ATAD1: variants seen among roughly 807,000 people sequenced by gnomAD.
The protein encoded by ATAD1 is outer mitochondrial transmembrane helix translocase.
Under a neutral mutation model 42.7 loss-of-function variants are expected in ATAD1, and 18 were observed. The ratio of observed to expected loss-of-function variants is 0.42; its 90% CI spans 0.29 to 0.63. The LOEUF (loss-of-function observed/expected upper bound fraction) is 0.63. ATAD1 is among the 20% of genes least tolerant of loss of function. ATAD1 has a pLI of 0.19. For synonymous variants in ATAD1, 132 were observed against 143.1 expected (o/e 0.92, Z 0.55); for missense variants, 294 against 440.4 (o/e 0.67, Z 2.98).
chr10:87,792,779 C>T, intron 2 of ATAD1, 24 bp from the exon 3 acceptor site: 4 of 1,563,258 alleles, frequency 2.6e-6, no homozygotes, highest in Non-Finnish European at 3.5e-6. Flanking sequence ...AACAAACAAC[C>T]TGCTTTGATT....
chr10:87,798,625 G>GGTGGGTGTGTGTGT (rs1554881742), intron 2 of ATAD1, among the ~76,000 whole-genome samples: 1 of 124,860 alleles, frequency 8.0e-6, no homozygotes, highest in Non-Finnish European at 1.7e-5. Flanking sequence ...AGCTATAGGG[G>GGTGGGTGTGTGTGT]GTGTGTGTGT....
intron 1 of ATAD1, chr10:87,817,667 C>G: frequency 1.1e-6 from 1 of 943,708 alleles, no homozygotes; most frequent in Non-Finnish European, 1.3e-6. Flanking sequence ...ACAATGAAGG[C>G]CTGCCAATCT....
intron 2 of ATAD1, among the ~76,000 whole-genome samples, chr10:87,802,019 A>C (rs1403766526): frequency 6.6e-6 from 1 of 152,230 alleles, no homozygotes; most frequent in African/African-American, 2.4e-5. Flanking sequence ...CTAACAATTC[A>C]GTAGACTCCT....
At position 87,791,030 on chromosome 10, in the gene ATAD1, CAAAAAAAAAAAAA is replaced by C. The variant is rs34722647; in HGVS notation, c.262-613_262-601del. Among the ~76,000 whole-genome samples the C allele has an allele frequency of 5.9e-4, 39 of 66,252 alleles. No individual in the cohort carries two copies. In the East Asian group the frequency reaches 6.8e-3, roughly 11 times the overall value. The allele number at this position is 66,252 out of a possible 152,430, so 43.5% of individuals were successfully genotyped here. ...TGAAACCCCGTCTCTACTAAAATTACAAAAAAAAAAAAAAAAAAAAAAAAATTAACCAGGTGTA... is the reference window on the plus strand; with the variant it reads ...TGAAACCCCGTCTCTACTAAAATTACAAAAAAAAAAAATTAACCAGGTGTA... On this transcript the variant is annotated intron_variant, in intron 3 of 9. Transcript: ENST00000680024.
chr10:87,758,315 T>C (rs1217962755), intron 8 of ATAD1, among the ~76,000 whole-genome samples: 2 of 152,096 alleles, frequency 1.3e-5, no homozygotes, highest in Non-Finnish European at 2.9e-5. Context: ...AGAAAGAGAA[T>C]GTGTAATTTC....
upstream of ATAD1, among the ~76,000 whole-genome samples, chr10:87,822,593 T>C (rs541197954): frequency 2.0e-5 from 3 of 152,166 alleles, no homozygotes; most frequent in Non-Finnish European, 4.4e-5. Flanking sequence ...ACAGTTGAAC[T>C]CATGGAGATA....
At chr10:87,831,205 T>G (rs1857822420) in intron 1 of ATAD1, among the ~76,000 whole-genome samples, 1 of 152,350 alleles carries the variant, frequency 6.6e-6, no homozygotes, top group Admixed American at 6.5e-5. Context: ...TGACTGTGTT[T>G]GTTGTCATCA....
intron 1 of ATAD1, among the ~76,000 whole-genome samples, chr10:87,839,718 C>T (rs1415298126): frequency 2.0e-5 from 3 of 152,104 alleles, no homozygotes; most frequent in Non-Finnish European, 4.4e-5. Context: ...CCCCCGCCGC[C>T]CCCAGTAATC....
chr10:87,802,977 T>G (rs1856772390), intron 2 of ATAD1, among the ~76,000 whole-genome samples: 1 of 152,202 alleles, frequency 6.6e-6, no homozygotes, highest in African/African-American at 2.4e-5. Flanking sequence ...AACTAAGCTG[T>G]GCTTTCTTAA....
At chr10:87,758,388 A>C (rs1210190964) in intron 8 of ATAD1, among the ~76,000 whole-genome samples, 1 of 152,172 alleles carries the variant, frequency 6.6e-6, no homozygotes, top group Non-Finnish European at 1.5e-5. Flanking sequence ...TAACAAACTC[A>C]GGACTAGAGG....
intron 1 of ATAD1, among the ~76,000 whole-genome samples, chr10:87,830,546 CTGA>C (rs1246158351): frequency 2.6e-5 from 4 of 152,132 alleles, no homozygotes; most frequent in African/African-American, 9.7e-5. Context: ...TCATGTTTAA[CTGA>C]GAATTAGCTA....
Position 87,754,594 on chromosome 10 carries a change from T to C in ATAD1, c.*93A>G, listed in dbSNP as rs1854136778. Reference sequence around the variant, plus strand: ...AAACCATAAACACTGAGCTCCCTCATTGTTTAAAGAGCACTCTTTCCGTTC... The same window carrying C: ...AAACCATAAACACTGAGCTCCCTCACTGTTTAAAGAGCACTCTTTCCGTTC... On this transcript the variant is annotated 3_prime_UTR_variant, in exon 10 of 10. Coordinates refer to ENST00000680024, the MANE Select transcript of ATAD1 (RefSeq NM_001321967.2). The C allele has an allele frequency of 8.7e-6, 12 of 1,375,948 alleles. No homozygotes were observed. Among genetic ancestry groups the C allele is most frequent in the South Asian group, 6.4e-5 (4 of 62,386 alleles). The allele number at this position is 1,375,948 out of a possible 1,614,324, so 85.2% of individuals were successfully genotyped here.
At position 87,794,143 on chromosome 10, in the gene ATAD1, C is replaced by T. The variant is rs530338539; in HGVS notation, c.163-1388G>A. 5.3e-5 allele frequency among the ~76,000 whole-genome samples: 8 copies of T among 152,230 alleles called. No homozygotes were observed. In the South Asian group the frequency reaches 8.3e-4, roughly 16 times the overall value. On this transcript the variant is annotated intron_variant, in intron 2 of 9. Transcript: ENST00000680024. The stretch of plus-strand genomic sequence containing the variant: ...GCTGAGGGAGGAGGATTACTTGAGC[C>T]TTGGAGATCAAGACTGCAGTGAGCC...
intron 2 of ATAD1, among the ~76,000 whole-genome samples, chr10:87,797,427 T>TCC (rs942815639): frequency 7.9e-5 from 12 of 152,080 alleles, no homozygotes; most frequent in African/African-American, 2.7e-4. Flanking sequence ...ACCCTATACC[T>TCC]CCTTCCCCCT....
chr10:87,782,466 C>T (rs1855612245), intron 5 of ATAD1, among the ~76,000 whole-genome samples: 7 of 151,878 alleles, frequency 4.6e-5, no homozygotes, highest in Admixed American at 4.6e-4. Context: ...CAATTAATAT[C>T]GAAGGTAGAA....
chr10:87,826,686 A>G (rs1002326015), intron 1 of ATAD1, among the ~76,000 whole-genome samples: 4 of 152,152 alleles, frequency 2.6e-5, no homozygotes, highest in Non-Finnish European at 5.9e-5. Context: ...TTCCATATAT[A>G]GTCATCATAG....
At chr10:87,839,219 T>G (rs1430214528) in intron 1 of ATAD1, among the ~76,000 whole-genome samples, 1 of 152,250 alleles carries the variant, frequency 6.6e-6, no homozygotes, top group African/African-American at 2.4e-5. Flanking sequence ...AATTTATTGC[T>G]TAATTGTTTG....
intron 1 of ATAD1, among the ~76,000 whole-genome samples, chr10:87,830,400 C>G (rs1395494194): frequency 6.6e-6 from 1 of 152,152 alleles, no homozygotes; most frequent in East Asian, 1.9e-4. Flanking sequence ...GAGGTTTTAC[C>G]TAACATGGCA....
At chr10:87,785,164 T>C (rs931066878) in intron 4 of ATAD1, among the ~76,000 whole-genome samples, 1 of 152,132 alleles carries the variant, frequency 6.6e-6, no homozygotes, top group Non-Finnish European at 1.5e-5. Context: ...AAACAGAAAT[T>C]ATCAGTCACT....
Sources: gnomAD v4.1 joint callset for allele counts (sites outside exome capture counted in the v4.1 genomes callset) on GRCh38, gnomAD v4.1.1 for gene constraint, MANE v1.5 for transcripts, NCBI Gene and HGNC (gene_info 2026-07-23, HGNC 2026-07-21) for gene names.